The following NLRP5 variants were observed in gnomAD, a reference collection of about 807,000 sequenced individuals.
NLRP5 encodes NLR family pyrin domain containing 5, also known as NACHT, LRR and PYD domains-containing protein 5.
A neutral mutation model predicts 113.1 loss-of-function variants in NLRP5; 93 were observed. That is an observed-to-expected ratio of 0.82 (90% CI 0.70 to 0.98). The LOEUF (loss-of-function observed/expected upper bound fraction) is 0.98. Ranked by LOEUF, NLRP5 falls within the 50% of genes least tolerant of loss-of-function variation. NLRP5 has a pLI of 0.00. For missense variants in NLRP5, 1,808 were observed against 1,514.3 expected, an observed-to-expected ratio of 1.19 and a Z score of -3.22; for synonymous variants, 751 against 600.7, an observed-to-expected ratio of 1.25 and a Z score of -3.66.
Position 56,027,212 on chromosome 19 carries a change from A to C in NLRP5, c.979A>C (p.Lys327Gln), listed in dbSNP as rs770259115. 30 of 1,611,978 alleles carry C rather than the reference A, an allele frequency of 1.9e-5. No individual in the cohort carries two copies. Among genetic ancestry groups the C allele is most frequent in the Non-Finnish European group, 5.9e-6 (7 of 1,179,214 alleles). Residue 327 changes from lysine (K) to glutamine (Q), a missense_variant, in exon 7 of 15, where the codon AAG (lysine) becomes CAG (glutamine). Coordinates refer to ENST00000390649, the MANE Select transcript of NLRP5 (RefSeq NM_153447.4). ...CCTCCCCGTTAGAGAGATGCAGCGG[A>C]AGAAGGAGAGCAGTGTCACAGAGTT...
At position 56,000,921 on chromosome 19, in the gene NLRP5, G is replaced by C. The variant is rs139349410; in HGVS notation, c.62+1134G>C. 7.7e-3 allele frequency among the ~76,000 whole-genome samples: 1,173 copies of C among 151,884 alleles called. 19 individuals carry two copies. The highest frequency in any genetic ancestry group is 0.026 in the African/African-American group (1,067 of 41,460). The stretch of plus-strand genomic sequence containing the variant: ...CTTGGGAGGCTGAGGCAGGAGAATC[G>C]ATTGAACCCAGGAAGCAGAGGTTTG... On this transcript the variant is annotated intron_variant, in intron 1 of 14. Coordinates refer to ENST00000390649, the MANE Select transcript of NLRP5 (RefSeq NM_153447.4).
chr19:56,002,984 A>G (rs1255065763), intron 1 of NLRP5, among the ~76,000 whole-genome samples: 2 of 151,640 alleles, frequency 1.3e-5, no homozygotes, highest in East Asian at 3.9e-4. Flanking sequence ...GTGGAGAAAT[A>G]GGAACACTTT....
intron 7 of NLRP5, among the ~76,000 whole-genome samples, chr19:56,030,440 G>A (rs898144325): frequency 6.6e-6 from 1 of 152,082 alleles, no homozygotes; most frequent in African/African-American, 2.4e-5. Context: ...TTGATAACAG[G>A]GCAGCTACCT....
chr19:56,049,376 T>C (rs1235152905), intron 11 of NLRP5, among the ~76,000 whole-genome samples: 1 of 152,082 alleles, frequency 6.6e-6, no homozygotes, highest in African/African-American at 2.4e-5. Flanking sequence ...AGATGGGGTT[T>C]CTCCATGTTG....
Position 56,038,185 on chromosome 19 carries a change from C to A in NLRP5, c.2776C>A (p.Gln926Lys), listed in dbSNP as rs768898166. The change falls in exon 10 of 15, where the codon CAG (glutamine) becomes AAG (lysine). Residue 926 changes from glutamine (Q) to lysine (K), a missense_variant. By Grantham distance (53) the Gln-to-Lys change is moderately conservative. Transcript: ENST00000390649. ...CTTGAGAGTCTCCCAGTGCGCCCTG[C>A]AGAAGCTGATGTGAGTGCCACTTCC... The A allele has an allele frequency of 6.2e-7, 1 of 1,613,638 alleles. No homozygotes were observed. The highest frequency in any genetic ancestry group is 1.7e-5 in the Admixed American group (1 of 59,986).
In NLRP5 at chr19:56,027,689, G is replaced by T. The variant is rs367679358; in HGVS notation, c.1456G>T (p.Val486Leu). 11 of 1,613,478 alleles carry T rather than the reference G, an allele frequency of 6.8e-6. No homozygotes were observed. Among genetic ancestry groups the T allele is most frequent in the African/African-American group, 1.3e-5 (1 of 75,066 alleles). ...CTGCGTGGCCCTGCAGCTGCAGGAC[G>T]TGGTGGGGGAGAGCGTCGCCCCCTT... Residue 486 changes from valine to leucine, a missense_variant, in exon 7 of 15, where the codon GTG becomes TTG. Transcript: ENST00000390649.
rs776385442 is a variant in NLRP5 at position 56,050,405 on chromosome 19, G to T, written c.2958-13G>T. On this transcript the variant is annotated splice_polypyrimidine_tract_variant and intron_variant, in intron 11 of 14. Coordinates refer to ENST00000390649, the MANE Select transcript of NLRP5 (RefSeq NM_153447.4). ...AGCATCACGATCTTCTTTCCCATGT[G>T]TGTGCCCCACAGGCTGAATCAGTGC... 1.9e-6 allele frequency: 3 copies of T among 1,612,058 alleles called. No individual in the cohort carries two copies. Among genetic ancestry groups the T allele is most frequent in the East Asian group, 4.5e-5 (2 of 44,866 alleles).
chr19:56,021,672 A>C (rs1240303576), intron 6 of NLRP5, among the ~76,000 whole-genome samples: 1 of 152,204 alleles, frequency 6.6e-6, no homozygotes, highest in East Asian at 1.9e-4. Flanking sequence ...TTGCTGAATA[A>C]TATTCCATTG....
intron 6 of NLRP5, among the ~76,000 whole-genome samples, chr19:56,025,701 C>T (rs1264029256): frequency 6.6e-6 from 1 of 151,992 alleles, no homozygotes; most frequent in African/African-American, 2.4e-5. Flanking sequence ...TGAGCCAGCA[C>T]ATCCGGCCAT....
At chr19:55,990,598 G>A in the NLRP5 span, among the ~76,000 whole-genome samples, 6 of 152,010 alleles carry the variant, frequency 3.9e-5, no homozygotes, top group Non-Finnish European at 8.8e-5. Context: ...AGGCCCAGGC[G>A]GGTGGATCAT....
Position 56,033,472 on chromosome 19 carries a change from A to G in NLRP5, c.2448-70A>G, listed in dbSNP as rs781624490. ...ATTTGCAAGTTAGAATGGGAGAAGG[A>G]TGGGAAGGAAAAATGAGGATACAAC... On this transcript the variant is annotated intron_variant, in intron 8 of 14. Transcript: ENST00000390649. 7.4e-6 allele frequency: 9 copies of G among 1,214,332 alleles called. No individual in the cohort carries two copies. In the Admixed American group the frequency reaches 8.6e-5, roughly 12 times the overall value. The allele number at this position is 1,214,332 out of a possible 1,614,324, so 75.2% of individuals were successfully genotyped here.
At chr19:56,034,680 C>A (rs1306197389) in intron 9 of NLRP5, among the ~76,000 whole-genome samples, 1 of 152,136 alleles carries the variant, frequency 6.6e-6, no homozygotes, top group African/African-American at 2.4e-5. Flanking sequence ...TACATCGTCG[C>A]CTGAAACTGG....
Position 56,058,295 on chromosome 19 carries a change from T to G in NLRP5, c.3355T>G (p.Ser1119Ala), listed in dbSNP as rs1984231771. The change falls in exon 14 of 15, where the codon TCC (serine) becomes GCC (alanine). Residue 1119 changes from serine (S) to alanine (A), a missense_variant. Coordinates refer to ENST00000390649, the MANE Select transcript of NLRP5 (RefSeq NM_153447.4). ...CTGTGAGGCACTCTCCTTGGCCCTT[T>G]CCTGCAACCGGCATCTGACCAGTCT... 1 of 1,613,872 alleles carries G rather than the reference T, an allele frequency of 6.2e-7. No individual in the cohort carries two copies. The highest frequency in any genetic ancestry group is 1.1e-5 in the South Asian group (1 of 91,092).
intron 6 of NLRP5, 22 bp from the exon 7 acceptor site, chr19:56,026,891 A>G: frequency 6.5e-7 from 1 of 1,542,136 alleles, no homozygotes; most frequent in Non-Finnish European, 8.8e-7. Flanking sequence ...CCTGATTTTC[A>G]TTCTACCCTC....
In NLRP5 at chr19:56,033,719, TG is replaced by T; in HGVS notation, c.2615+12del. On this transcript the variant is annotated intron_variant, in intron 9 of 14. Coordinates refer to ENST00000390649, the MANE Select transcript of NLRP5 (RefSeq NM_153447.4). ...TGTTGGAGTCTTTGAGGTACGTCTC[TG>T]GTAGAGCTTTTGCCTTGTTTTTCTT... 6.3e-7 allele frequency: 1 copy of T among 1,594,344 alleles called. No homozygotes were observed. The highest frequency in any genetic ancestry group is 8.5e-7 in the Non-Finnish European group (1 of 1,170,602).
Position 56,032,716 on chromosome 19 carries a change from A to G in NLRP5, c.2382A>G (p.Thr794=). ...TGGACCTGGGCAGCAGCATCCTGAC[A>G]GAGCGGGCCATGAAGACCCTGTGTG... is the stretch of plus-strand genomic sequence containing the variant. Residue 794 remains threonine (T), a synonymous_variant, in exon 8 of 15, where the codon ACA becomes ACG. Transcript: ENST00000390649. 2.5e-6 allele frequency: 4 copies of G among 1,613,504 alleles called. No homozygotes were observed. The highest frequency in any genetic ancestry group is 2.5e-6 in the Non-Finnish European group (3 of 1,179,798).
intron 7 of NLRP5, 89 bp downstream of exon 7, chr19:56,028,598 A>G (rs965682226): frequency 1.2e-5 from 15 of 1,251,902 alleles, no homozygotes; most frequent in Non-Finnish European, 1.7e-5. Flanking sequence ...AGGAACTTCA[A>G]GGTCCCAGAG....
At chr19:56,015,917 T>C (rs1429495735) in intron 4 of NLRP5, 119 bp downstream of exon 4, 6 of 684,940 alleles carry the variant, frequency 8.8e-6, no homozygotes, top group South Asian at 2.9e-5. Context: ...CATTTGTCTC[T>C]GGTGTGTGAG....
At chr19:55,998,720 A>G (rs1568478338), upstream of NLRP5, among the ~76,000 whole-genome samples, 4 of 141,308 alleles carry the variant, frequency 2.8e-5, no homozygotes, top group African/African-American at 1.1e-4. Context: ...GTGTGTATAT[A>G]TATATATATG....
Sources: gnomAD v4.1 joint callset for allele counts (sites outside exome capture counted in the v4.1 genomes callset) on GRCh38, gnomAD v4.1.1 for gene constraint, MANE v1.5 for transcripts, NCBI Gene and HGNC (gene_info 2026-07-23, HGNC 2026-07-21) for gene names.